Variants in DGLUCY observed in about 807,000 individuals in gnomAD.
DGLUCY encodes D-glutamate cyclase.
A neutral mutation model predicts 58.5 loss-of-function variants in DGLUCY; 58 were observed. The ratio of observed to expected loss-of-function variants is 0.99; its 90% CI spans 0.80 to 1.23. The LOEUF (loss-of-function observed/expected upper bound fraction) is 1.23, where lower values mean the gene tolerates loss of function less well. DGLUCY is among the 50% of genes most tolerant of loss of function. The pLI is 0.00. For synonymous variants in DGLUCY, 325 were observed against 314.1 expected (o/e 1.03, Z -0.37); for missense variants, 779 against 784.7 (o/e 0.99, Z 0.09).
At chr14:91,072,257 G>GACAA in intron 1 of DGLUCY, among the ~76,000 whole-genome samples, 1 of 151,808 alleles carries the variant, frequency 6.6e-6, no homozygotes, top group Non-Finnish European at 1.5e-5. Flanking sequence ...GTGGGAGTTG[G>GACAA]AGGTTGCAGT....
intron 13 of DGLUCY, among the ~76,000 whole-genome samples, chr14:91,223,469 A>AGAG (rs1210103161): frequency 6.6e-6 from 1 of 152,110 alleles, no homozygotes; most frequent in African/African-American, 2.4e-5. Context: ...GGGAGAAGGA[A>AGAG]GAGGAGGAGG....
At chr14:91,222,870 A>G (rs1471980476) in intron 13 of DGLUCY, among the ~76,000 whole-genome samples, 1 of 152,224 alleles carries the variant, frequency 6.6e-6, no homozygotes, top group Non-Finnish European at 1.5e-5. Flanking sequence ...TCAAGGTGCC[A>G]GTAGTTTTGA....
chr14:91,201,543 T>C (rs1486806417), intron 11 of DGLUCY, among the ~76,000 whole-genome samples: 9 of 152,102 alleles, frequency 5.9e-5, no homozygotes, highest in Non-Finnish European at 1.3e-4. Flanking sequence ...GTGATCCGCC[T>C]GCCTCTGCCT....
chr14:91,179,032 A>AT (rs2049013270), intron 7 of DGLUCY, among the ~76,000 whole-genome samples: 1 of 151,968 alleles, frequency 6.6e-6, no homozygotes, highest in Non-Finnish European at 1.5e-5. Context: ...TCAAAAAAAA[A>AT]AGAAACTTTA....
chr14:91,137,647 A>G (rs1433174138), intron 1 of DGLUCY, among the ~76,000 whole-genome samples: 5 of 151,344 alleles, frequency 3.3e-5, no homozygotes, highest in Admixed American at 6.6e-5. Context: ...CGCCCGCCTT[A>G]GCCTCCCAAA....
Position 91,181,203 on chromosome 14 carries a change from G to C in DGLUCY, c.748G>C (p.Ala250Pro). ...VSSCETPLAF[A>P]SIPGCTVMTD... is the part of the protein sequence containing the mutation. The stretch of plus-strand genomic sequence containing the variant: ...TGTTTTAGAGACCCCACTGGCTTTT[G>C]CCAGCATCCCAGGCTGCACAGTTAT... The change falls in exon 8 of 14, where the codon GCC becomes CCC. Residue 250 changes from alanine (A) to proline (P), a missense_variant. Physicochemically the swap from Ala to Pro is conservative, Grantham distance 27. Coordinates refer to ENST00000256324, the MANE Select transcript of DGLUCY (RefSeq NM_001102368.3). 6.2e-7 allele frequency: 1 copy of C among 1,614,108 alleles called. No individual in the cohort carries two copies. Among genetic ancestry groups the C allele is most frequent in the Non-Finnish European group, 8.5e-7 (1 of 1,180,024 alleles).
In DGLUCY at chr14:91,150,369, G is replaced by C. The variant is rs560075501; in HGVS notation, c.-81-7270G>C. 2.4e-4 allele frequency among the ~76,000 whole-genome samples: 37 copies of C among 152,214 alleles called. 1 individual carries two copies. Among genetic ancestry groups the C allele is most frequent in the Non-Finnish European group, 4.1e-4 (28 of 68,028 alleles). Reference sequence around the variant, plus strand: ...ATATTCAAGACACACACTGAGTCTGGTGTGGTGCTTTTCAGCAACACATTG... The same window carrying C: ...ATATTCAAGACACACACTGAGTCTGCTGTGGTGCTTTTCAGCAACACATTG... On this transcript the variant is annotated intron_variant, in intron 1 of 13. Transcript: ENST00000256324.
chr14:91,060,574 CTT>C (rs1000368262), exon 1 of DGLUCY: 1 of 1,101,922 alleles, frequency 9.1e-7, no homozygotes, highest in East Asian at 3.3e-5. Context: ...AGACGAGTCT[CTT>C]TCCCGCTCTG....
At chr14:91,108,728 AG>A (rs1336460727) in intron 1 of DGLUCY, among the ~76,000 whole-genome samples, 2 of 151,928 alleles carry the variant, frequency 1.3e-5, no homozygotes, top group Admixed American at 1.3e-4. Flanking sequence ...AGTAGAGATG[AG>A]GTTTCACCAT....
At chr14:91,187,063 G>T (rs746758994) in intron 8 of DGLUCY, among the ~76,000 whole-genome samples, 7 of 151,752 alleles carry the variant, frequency 4.6e-5, no homozygotes, top group African/African-American at 1.2e-4. Context: ...GCAGTGGTGC[G>T]ATCTCGGCTC....
intron 1 of DGLUCY, among the ~76,000 whole-genome samples, chr14:91,140,853 A>G (rs542262421): frequency 2.0e-5 from 3 of 152,256 alleles, no homozygotes; most frequent in East Asian, 1.9e-4. Context: ...TCAAACAGCA[A>G]TGGTTAGACT....
chr14:91,164,910 G>A (rs1057423976), intron 3 of DGLUCY, among the ~76,000 whole-genome samples: 4 of 152,238 alleles, frequency 2.6e-5, no homozygotes, highest in Admixed American at 1.3e-4. Context: ...AGCCAGGCCT[G>A]TGTCCTTCCC....
chr14:91,204,074 T>G (rs995774671), intron 11 of DGLUCY, among the ~76,000 whole-genome samples: 4 of 152,236 alleles, frequency 2.6e-5, no homozygotes, highest in Non-Finnish European at 4.4e-5. Context: ...ACCAATGAAT[T>G]AAATCATTTT....
At position 91,224,698 on chromosome 14, in the gene DGLUCY, G is replaced by A. The variant is rs1271431565; in HGVS notation, c.1731G>A (p.Leu577=). 2 of 1,598,766 alleles carry A rather than the reference G, an allele frequency of 1.3e-6. No individual in the cohort carries two copies. Among genetic ancestry groups the A allele is most frequent in the Non-Finnish European group, 1.7e-6 (2 of 1,168,578 alleles). The part of the protein sequence containing the change: ...LPSVIKEEKM[L]GILVQHKVRS... The stretch of plus-strand genomic sequence containing the variant: ...TTTTTTTCCAGGAAGAAAAAATGCT[G>A]GGCATCTTGGTGCAGCACAAAGTCC... The change falls in exon 14 of 14, where the codon CTG becomes CTA. Residue 577 remains leucine, a synonymous_variant. Transcript: ENST00000256324.
chr14:91,101,420 C>T (rs2044484430), intron 1 of DGLUCY, among the ~76,000 whole-genome samples: 1 of 152,150 alleles, frequency 6.6e-6, no homozygotes, highest in Admixed American at 6.6e-5. Flanking sequence ...ATTTGAGAGC[C>T]CCTGTGTGAG....
Position 91,225,215 on chromosome 14 carries a change from G to A in DGLUCY, c.*382G>A, listed in dbSNP as rs887521420. On this transcript the variant is annotated 3_prime_UTR_variant, in exon 14 of 14. Transcript: ENST00000256324. ...ATGAGAACAAACATTCCCAGGCCAT[G>A]TAGGATAGGATACTCCAGACTCCAG... 3 of 160,666 alleles carry A rather than the reference G, an allele frequency of 1.9e-5. No individual in the cohort carries two copies. The highest frequency in any genetic ancestry group is 7.2e-5 in the African/African-American group (3 of 41,778). The allele number at this position is 160,666 out of a possible 1,614,324, so 10.0% of individuals were successfully genotyped here.
chr14:91,154,701 G>A (rs538010937), intron 1 of DGLUCY, among the ~76,000 whole-genome samples: 4 of 152,066 alleles, frequency 2.6e-5, no homozygotes, highest in African/African-American at 4.8e-5. Flanking sequence ...TCTGCCCTGC[G>A]CTCCCATCTC....
chr14:91,165,159 A>G (rs913960844), intron 3 of DGLUCY: 42 of 451,022 alleles, frequency 9.3e-5, no homozygotes, highest in Non-Finnish European at 1.6e-4. Context: ...ATTACCTAGT[A>G]TAGTTCCTTT....
intron 1 of DGLUCY, among the ~76,000 whole-genome samples, chr14:91,137,758 A>T (rs1222756139): frequency 2.0e-5 from 3 of 152,020 alleles, no homozygotes; most frequent in Non-Finnish European, 4.4e-5. Flanking sequence ...TAATATTTCT[A>T]GGTTTTATGG....
Sources: gnomAD v4.1 joint callset for allele counts (sites outside exome capture counted in the v4.1 genomes callset) on GRCh38, gnomAD v4.1.1 for gene constraint, MANE v1.5 for transcripts, NCBI Gene and HGNC (gene_info 2026-07-23, HGNC 2026-07-21) for gene names.